The following TINAG variants were observed in gnomAD, a reference collection of about 807,000 sequenced individuals.
The protein encoded by TINAG is tubulointerstitial nephritis antigen.
TINAG carries 83 observed loss-of-function variants against 72.7 expected under a neutral mutation model. The ratio of observed to expected loss-of-function variants is 1.14; its 90% CI spans 0.96 to 1.37. TINAG has a LOEUF of 1.37. Ranked by LOEUF, TINAG falls within the 40% of genes most tolerant of loss-of-function variation. The pLI, the probability that TINAG is intolerant of heterozygous loss-of-function variation, is 0.00. For missense variants in TINAG, 685 were observed against 576.6 expected (o/e 1.19, Z -1.93); for synonymous variants, 234 against 189.9 (o/e 1.23, Z -1.91).
chr6:54,327,451 A>T (rs1345255864), intron 4 of TINAG, among the ~76,000 whole-genome samples: 3 of 152,172 alleles, frequency 2.0e-5, no homozygotes, highest in African/African-American at 7.2e-5. Context: ...TGGTCTTCGC[A>T]ATCCGCAAAC....
Position 54,311,031 on chromosome 6 carries a change from G to A in TINAG, c.355+2126G>A, listed in dbSNP as rs1784244440. On this transcript the variant is annotated intron_variant, in intron 1 of 10. Coordinates refer to ENST00000259782, the MANE Select transcript of TINAG (RefSeq NM_014464.4). Reference sequence around the variant, plus strand: ...TCCTTTCCTTTCCTTTCATTTTTATGAGCCATTCCCATCTTTCTCCAATGG... The same window carrying A: ...TCCTTTCCTTTCCTTTCATTTTTATAAGCCATTCCCATCTTTCTCCAATGG... Among the ~76,000 whole-genome samples, 5 of 143,502 alleles carry A rather than the reference G, an allele frequency of 3.5e-5. No individual in the cohort carries two copies. The South Asian group carries it at 1.1e-3, about 32-fold the overall frequency. The allele number at this position is 143,502 out of a possible 152,430, so 94.1% of individuals were successfully genotyped here.
At chr6:54,342,589 C>T (rs1174050386) in intron 4 of TINAG, among the ~76,000 whole-genome samples, 1 of 152,024 alleles carries the variant, frequency 6.6e-6, no homozygotes, top group East Asian at 1.9e-4. Flanking sequence ...AGGCTGGTCT[C>T]GAACTCCTGA....
At position 54,363,619 on chromosome 6, in the gene TINAG, C is replaced by CAA. The variant is rs75017897; in HGVS notation, c.1250+8998_1250+8999dup. On this transcript the variant is annotated intron_variant, in intron 9 of 10. Coordinates refer to ENST00000259782, the MANE Select transcript of TINAG (RefSeq NM_014464.4). The stretch of plus-strand genomic sequence containing the variant: ...GAGACAAAAAAGTGCCAACGGGTAT[C>CAA]AAAAAAAAAAAAAAAACAGGCAGAT... Among the ~76,000 whole-genome samples the CAA allele has an allele frequency of 6.5e-3, 749 of 115,496 alleles. 6 individuals carry two copies. The highest frequency in any genetic ancestry group is 0.017 in the African/African-American group (565 of 33,148). The allele number at this position is 115,496 out of a possible 152,430, so 75.8% of individuals were successfully genotyped here.
chr6:54,356,622 C>T (rs1193640685), intron 9 of TINAG, among the ~76,000 whole-genome samples: 1 of 151,656 alleles, frequency 6.6e-6, no homozygotes, highest in African/African-American at 2.4e-5. Context: ...CTCTTGCTCT[C>T]TCTCTCTCTG....
In TINAG at chr6:54,309,844, C is replaced by CAA. The variant is rs58742359; in HGVS notation, c.355+954_355+955dup. 1.0e-2 allele frequency among the ~76,000 whole-genome samples: 1,408 copies of CAA among 141,204 alleles called. 9 individuals carry two copies. Among genetic ancestry groups the CAA allele is most frequent in the East Asian group, 0.031 (146 of 4,660 alleles). 92.6% of individuals were successfully genotyped at this position (141,204 alleles called of 152,430 possible). On this transcript the variant is annotated intron_variant, in intron 1 of 10. Transcript: ENST00000259782. ...TTAAAGAGTCAGAGCAAGACTGTGTCAAAAAAAAAAAAAAAATCCAGATGC... is the reference window on the plus strand; with the variant it reads ...TTAAAGAGTCAGAGCAAGACTGTGTCAAAAAAAAAAAAAAAAAATCCAGATGC...
intron 4 of TINAG, among the ~76,000 whole-genome samples, chr6:54,339,045 A>G (rs1784936499): frequency 6.6e-6 from 1 of 152,176 alleles, no homozygotes; most frequent in Non-Finnish European, 1.5e-5. Context: ...TTTCAGATGC[A>G]TATTTTTTTC....
chr6:54,385,924 T>C (rs1764087310), intron 10 of TINAG, among the ~76,000 whole-genome samples: 1 of 122,730 alleles, frequency 8.1e-6, no homozygotes, highest in Non-Finnish European at 1.6e-5. Flanking sequence ...TCTCACTCAC[T>C]CTGTCGTCCA....
At chr6:54,359,622 T>C (rs1763161388) in intron 9 of TINAG, among the ~76,000 whole-genome samples, 1 of 151,986 alleles carries the variant, frequency 6.6e-6, no homozygotes, top group East Asian at 1.9e-4. Flanking sequence ...GAATTCACTT[T>C]TATAAACTCC....
At chr6:54,356,742 G>GAGAC (rs1466225579) in intron 9 of TINAG, among the ~76,000 whole-genome samples, 1 of 151,852 alleles carries the variant, frequency 6.6e-6, no homozygotes, top group East Asian at 2.0e-4. Flanking sequence ...TTAATTAAAA[G>GAGAC]AGACATTTTT....
intron 5 of TINAG, among the ~76,000 whole-genome samples, chr6:54,346,012 G>A (rs559131736): frequency 6.1e-4 from 93 of 152,128 alleles, no homozygotes; most frequent in African/African-American, 2.1e-3. Flanking sequence ...TTAATTAAAA[G>A]TGAGTAAGAA....
At chr6:54,338,565 C>T (rs1395509192) in intron 4 of TINAG, among the ~76,000 whole-genome samples, 3 of 151,580 alleles carry the variant, frequency 2.0e-5, no homozygotes, top group Admixed American at 1.3e-4. Flanking sequence ...ACTAAAAATA[C>T]GAAGAAAAAT....
At chr6:54,310,714 C>A (rs937000750) in intron 1 of TINAG, among the ~76,000 whole-genome samples, 1 of 121,824 alleles carries the variant, frequency 8.2e-6, no homozygotes, top group Non-Finnish European at 1.9e-5. Context: ...CTCTTTCTCT[C>A]CCTCTTTCTT....
At chr6:54,354,241 G>C (rs1047338462) in intron 8 of TINAG, among the ~76,000 whole-genome samples, 3 of 151,766 alleles carry the variant, frequency 2.0e-5, no homozygotes, top group Non-Finnish European at 4.4e-5. Context: ...CTTAATTTTT[G>C]GTAGTAGCGT....
intron 4 of TINAG, among the ~76,000 whole-genome samples, chr6:54,339,558 A>G (rs1784949310): frequency 6.6e-6 from 1 of 152,178 alleles, no homozygotes; most frequent in Non-Finnish European, 1.5e-5. Context: ...AGGGGGGTGC[A>G]TGGAGGGGCT....
chr6:54,351,281 T>C (rs892191050), intron 7 of TINAG, 71 bp from the exon 8 acceptor site: 1 of 1,365,550 alleles, frequency 7.3e-7, no homozygotes, highest in Non-Finnish European at 1.0e-6. Flanking sequence ...ACACTTAACA[T>C]TGTACACCAA....
intron 9 of TINAG, among the ~76,000 whole-genome samples, chr6:54,355,423 A>G (rs1397509958): frequency 1.3e-5 from 2 of 151,906 alleles, no homozygotes; most frequent in Admixed American, 6.6e-5. Flanking sequence ...AACCTCACCT[A>G]CAATCAAATT....
rs756490801 is a variant in TINAG at position 54,308,698 on chromosome 6, G to A, written c.148G>A (p.Ala50Thr). The stretch of plus-strand genomic sequence containing the variant: ...TTTGCAAGGTACTCGATTCAAAAGA[G>A]CCATTTTCCAAGGGCAATACTGTAG... ...TVLQGTRFKR[A>T]IFQGQYCRNF... Residue 50 changes from alanine to threonine, a missense_variant, in exon 1 of 11, where the codon GCC (alanine) becomes ACC (threonine). By Grantham distance (58) the Ala-to-Thr change is moderately conservative (BLOSUM62 0). Transcript: ENST00000259782. 1.2e-6 allele frequency: 2 copies of A among 1,613,770 alleles called. No homozygotes were observed. Among genetic ancestry groups the A allele is most frequent in the East Asian group, 2.2e-5 (1 of 44,882 alleles).
At chr6:54,333,823 T>C (rs1784800357) in intron 4 of TINAG, among the ~76,000 whole-genome samples, 1 of 152,182 alleles carries the variant, frequency 6.6e-6, no homozygotes, top group Admixed American at 6.6e-5. Context: ...ATATTCATTA[T>C]CATATTAGAA....
At chr6:54,342,772 A>C (rs903470585) in intron 4 of TINAG, among the ~76,000 whole-genome samples, 3 of 152,156 alleles carry the variant, frequency 2.0e-5, no homozygotes, top group Non-Finnish European at 4.4e-5. Context: ...TTGGGGCTCT[A>C]TACACATATA....
Sources: allele counts gnomAD v4.1 joint callset (sites outside exome capture counted in the v4.1 genomes callset), GRCh38; gene constraint gnomAD v4.1.1; transcripts MANE v1.5; gene names NCBI Gene and HGNC (gene_info 2026-07-23, HGNC 2026-07-21).